Variants in SARS1 observed in about 807,000 individuals in gnomAD.
SARS1 encodes seryl-tRNA synthetase 1.
In SARS1, 25 loss-of-function variants were observed where a neutral mutation model predicts 63.7. The ratio of observed to expected loss-of-function variants is 0.39; its 90% CI spans 0.29 to 0.55. The LOEUF (loss-of-function observed/expected upper bound fraction) is 0.55. Ranked by LOEUF, SARS1 falls within the 20% of genes least tolerant of loss-of-function variation. The pLI, the probability that SARS1 is intolerant of heterozygous loss-of-function variation, is 0.62. For missense variants in SARS1, 417 were observed against 649.7 expected (o/e 0.64, Z 3.89); for synonymous variants, 231 against 243.5 (o/e 0.95, Z 0.48).
intron 2 of SARS1, among the ~76,000 whole-genome samples, 185 bp downstream of exon 2, chr1:109,224,233 T>A (rs1333685673): frequency 2.6e-5 from 4 of 152,274 alleles, no homozygotes; most frequent in African/African-American, 9.6e-5. Flanking sequence ...CATTTTCATA[T>A]ACTTTACCAC....
chr1:109,223,253 G>A lies in SARS1; in HGVS notation c.137-725G>A, dbSNP rs187817109. ...ATATCAAAGTAAAAGGGTATCATTA[G>A]CCATTTCTAGCATGGAGAGGTAGCA... is the stretch of plus-strand genomic sequence containing the variant. On this transcript the variant is annotated intron_variant, in intron 1 of 10. Coordinates refer to ENST00000234677, the MANE Select transcript of SARS1 (RefSeq NM_006513.4). 3.8e-3 allele frequency among the ~76,000 whole-genome samples: 583 copies of A among 152,298 alleles called. 18 individuals carry two copies. The highest frequency in any genetic ancestry group is 0.032 in the Admixed American group (496 of 15,292).
chr1:109,237,396 T>C lies in SARS1; in HGVS notation c.1387+23T>C. On this transcript the variant is annotated intron_variant, in intron 10 of 10. Coordinates refer to ENST00000234677, the MANE Select transcript of SARS1 (RefSeq NM_006513.4). The surrounding 1 kb of genome is among the most constrained non-coding windows in gnomAD (Gnocchi z 4.1). ...CAGGTAAAACTCCCAGCTCATCTCATCGTTCTCCTCTTTTCTGTCTTCACA... is the reference window on the plus strand; with the variant it reads ...CAGGTAAAACTCCCAGCTCATCTCACCGTTCTCCTCTTTTCTGTCTTCACA... The C allele has an allele frequency of 6.2e-7, 1 of 1,614,194 alleles. No homozygotes were observed. The highest frequency in any genetic ancestry group is 1.6e-4 in the Middle Eastern group (1 of 6,062).
At chr1:109,224,087 G>A in intron 2 of SARS1, 39 bp downstream of exon 2, 5 of 1,453,180 alleles carry the variant, frequency 3.4e-6, no homozygotes, top group East Asian at 2.3e-5. Context: ...GAGAACTTGA[G>A]CGGAGATATT....
chr1:109,228,466 T>G, intron 3 of SARS1, 34 bp downstream of exon 3: 2 of 1,443,766 alleles, frequency 1.4e-6, no homozygotes, highest in Non-Finnish European at 1.9e-6. Flanking sequence ...TTAGGATCTC[T>G]GCTATTTTGT....
chr1:109,231,441 G>A (rs1259738908), intron 5 of SARS1, 190 bp from the exon 6 acceptor site: 2 of 419,010 alleles, frequency 4.8e-6, no homozygotes, highest in Admixed American at 4.4e-5. Flanking sequence ...ATGATTTGCT[G>A]GGCTTCAGTG....
intron 1 of SARS1, chr1:109,216,405 C>T (rs1277198100): frequency 1.0e-6 from 1 of 985,184 alleles, no homozygotes. Context: ...TTGGAACTCA[C>T]AACTCTTCTA....
chr1:109,226,914 G>A (rs570920229), intron 2 of SARS1, among the ~76,000 whole-genome samples: 69 of 150,308 alleles, frequency 4.6e-4, no homozygotes, highest in African/African-American at 1.4e-3. Flanking sequence ...CTCACAAAGC[G>A]GATGCTAAAT....
At chr1:109,226,663 T>TAAAAAAAA (rs66652692) in intron 2 of SARS1, among the ~76,000 whole-genome samples, 1 of 55,536 alleles carries the variant, frequency 1.8e-5, no homozygotes, top group African/African-American at 7.4e-5. Flanking sequence ...CTGGCTAATT[T>TAAAAAAAA]AAAAAAAAAA....
chr1:109,228,336 T>C lies in SARS1; in HGVS notation c.208-16T>C, dbSNP rs1405862408. Reference sequence around the variant, plus strand: ...TTCTTTTATTTATTTGTGTTGGGTTTTTTTCCTTCCTGCAGAAAAAAGAGC... The same window carrying C: ...TTCTTTTATTTATTTGTGTTGGGTTCTTTTCCTTCCTGCAGAAAAAAGAGC... On this transcript the variant is annotated splice_polypyrimidine_tract_variant and intron_variant, in intron 2 of 10. Coordinates refer to ENST00000234677, the MANE Select transcript of SARS1 (RefSeq NM_006513.4). 1 of 1,600,056 alleles carries C rather than the reference T, an allele frequency of 6.2e-7. No homozygotes were observed.
rs766057997 is a variant in SARS1, at chr1:109,236,049, G to T, written c.1042G>T (p.Ala348Ser). The part of the protein sequence containing the change: ...WEMFEEMITT[A>S]EEFYQSLGIP... ...GATGTTTGAAGAGATGATTACCACC[G>T]CAGAGGAGTTCTACCAGTCCCTGGG... is the stretch of plus-strand genomic sequence containing the variant. The change falls in exon 8 of 11, where the codon GCA becomes TCA. Residue 348 changes from alanine to serine, a missense_variant. This residue lies in a region of SARS1 where 359 missense variants were observed against 529.6 expected (regional missense o/e 0.68). Transcript: ENST00000234677. 2 of 1,613,838 alleles carry T rather than the reference G, an allele frequency of 1.2e-6. No individual in the cohort carries two copies. The highest frequency in any genetic ancestry group is 1.7e-6 in the Non-Finnish European group (2 of 1,179,810).
rs567245032 is a variant in SARS1, at chr1:109,215,738, CATT to C, written c.136+1613_136+1615del. On this transcript the variant is annotated intron_variant, in intron 1 of 10. Coordinates refer to ENST00000234677, the MANE Select transcript of SARS1 (RefSeq NM_006513.4). Reference sequence around the variant, plus strand: ...GTTTTGTTTTTGAGACGGAGTCTCTCATTATCACCCAGATTGGAGTGCAGTGGC... The same window carrying C: ...GTTTTGTTTTTGAGACGGAGTCTCTCATCACCCAGATTGGAGTGCAGTGGC... 75 of 792,382 alleles carry C rather than the reference CATT, an allele frequency of 9.5e-5. No individual in the cohort carries two copies. The Middle Eastern group carries it at 3.2e-3, about 34-fold the overall frequency. 49.1% of individuals were successfully genotyped at this position (792,382 alleles called of 1,614,324 possible). A position where few individuals can be genotyped will look rare whatever the true frequency, so the allele number is the denominator to read the frequency against.
chr1:109,228,893 G>A (rs1655146227), intron 3 of SARS1, among the ~76,000 whole-genome samples: 2 of 152,086 alleles, frequency 1.3e-5, no homozygotes, highest in Admixed American at 1.3e-4. Flanking sequence ...TCGGATTGGG[G>A]GCCTGAACCT....
chr1:109,217,526 A>C lies in SARS1; in HGVS notation c.136+3398A>C, dbSNP rs687074. On this transcript the variant is annotated intron_variant, in intron 1 of 10. Coordinates refer to ENST00000234677, the MANE Select transcript of SARS1 (RefSeq NM_006513.4). ...TACATTTTATTTAACCTAGTCTTGT[A>C]TACCCAAAAGTTATATATATATAAA... 5.2e-3 allele frequency among the ~76,000 whole-genome samples: 772 copies of C among 149,308 alleles called. 8 individuals carry two copies. Among genetic ancestry groups the C allele is most frequent in the African/African-American group, 0.018 (730 of 40,908 alleles).
chr1:109,227,917 C>CAAAA (rs5776968), intron 2 of SARS1, among the ~76,000 whole-genome samples: 1 of 121,874 alleles, frequency 8.2e-6, no homozygotes, highest in Non-Finnish European at 1.7e-5. Context: ...GAGACTCCGT[C>CAAAA]AAAAAAAAAA....
At chr1:109,217,585 G>A (rs568812819) in intron 1 of SARS1, among the ~76,000 whole-genome samples, 7 of 150,872 alleles carry the variant, frequency 4.6e-5, no homozygotes, top group Admixed American at 4.6e-4. Context: ...TTTTTAGACA[G>A]CGTCTTGTTC....
intron 9 of SARS1, 51 bp downstream of exon 9, chr1:109,236,599 T>C (rs780055428): frequency 1.3e-6 from 2 of 1,576,408 alleles, no homozygotes; most frequent in Admixed American, 3.5e-5. Context: ...ACACGGCCCG[T>C]CCGAATTATT....
intron 1 of SARS1, chr1:109,216,182 T>G: frequency 2.0e-6 from 2 of 985,440 alleles, no homozygotes; most frequent in Non-Finnish European, 2.4e-6. Context: ...GATCAGAGGA[T>G]GGAGTTCTTC....
Position 109,237,501 on chromosome 1 carries a change from C to T in SARS1, c.1387+128C>T. The stretch of plus-strand genomic sequence containing the variant: ...CAGCCCCTGAAACTCTGTCTGCCCT[C>T]TCGGGCTGGGCAGGGCAGGGGGCCT... On this transcript the variant is annotated intron_variant, in intron 10 of 10. Coordinates refer to ENST00000234677, the MANE Select transcript of SARS1 (RefSeq NM_006513.4). The surrounding 1 kb of genome is among the most constrained non-coding windows in gnomAD (Gnocchi z 4.1). The T allele has an allele frequency of 7.0e-7, 1 of 1,424,214 alleles. No homozygotes were observed. The highest frequency in any genetic ancestry group is 9.7e-7 in the Non-Finnish European group (1 of 1,033,830). The allele number at this position is 1,424,214 out of a possible 1,614,324, so 88.2% of individuals were successfully genotyped here. A position where few individuals can be genotyped will look rare whatever the true frequency, so the allele number is the denominator to read the frequency against.
In SARS1 at chr1:109,214,749, G is replaced by C; in HGVS notation, c.136+621G>C. ...TTCCGTGGTAGATCAAACGCGAGGG[G>C]AGTGAGGAGGCGAGCAAAAGATTGT... On this transcript the variant is annotated intron_variant, in intron 1 of 10. Transcript: ENST00000234677. This position sits in a 1 kb window ranked among gnomAD's most constrained non-coding sequence, Gnocchi z 4.6. 1.4e-5 allele frequency: 14 copies of C among 985,460 alleles called. No individual in the cohort carries two copies. Among genetic ancestry groups the C allele is most frequent in the Non-Finnish European group, 1.7e-5 (14 of 829,938 alleles). The allele number at this position is 985,460 out of a possible 1,614,324, so 61.0% of individuals were successfully genotyped here.
Sources: allele counts gnomAD v4.1 joint callset (sites outside exome capture counted in the v4.1 genomes callset), GRCh38; gene constraint gnomAD v4.1.1; regional missense constraint gnomAD v4.1.1; non-coding constraint Gnocchi (gnomAD v3.1); transcripts MANE v1.5; gene names NCBI Gene and HGNC (gene_info 2026-07-23, HGNC 2026-07-21).